ADGRG7: variants seen among roughly 807,000 people sequenced by gnomAD.
The protein encoded by ADGRG7 is adhesion G protein-coupled receptor G7.
ADGRG7 carries 82 observed loss-of-function variants against 88.6 expected under a neutral mutation model. The observed-to-expected ratio is 0.93, with a 90% confidence interval of 0.77 to 1.11. The LOEUF is 1.11. Among genes scored for constraint, ADGRG7 ranks in the 50% most tolerant of loss-of-function variants. ADGRG7 has a pLI of 0.00. For missense variants in ADGRG7, 945 were observed against 953.4 expected (o/e 0.99, Z 0.12); for synonymous variants, 381 against 345.2 (o/e 1.10, Z -1.15).
intron 11 of ADGRG7, among the ~76,000 whole-genome samples, chr3:100,650,112 C>T (rs1339370952): frequency 6.6e-6 from 1 of 152,158 alleles, no homozygotes; most frequent in Non-Finnish European, 1.5e-5. Context: ...AGAACCATGC[C>T]TAGCAATTTG....
chr3:100,620,359 C>T (rs955355629), intron 1 of ADGRG7, among the ~76,000 whole-genome samples: 1 of 152,140 alleles, frequency 6.6e-6, no homozygotes, highest in Non-Finnish European at 1.5e-5. Context: ...AATTCAACAG[C>T]CCTTCATGCT....
chr3:100,678,995 A>G (rs1232108423), intron 15 of ADGRG7, among the ~76,000 whole-genome samples: 4 of 152,158 alleles, frequency 2.6e-5, no homozygotes, highest in Admixed American at 6.5e-5. Flanking sequence ...CAACAGCTCT[A>G]CAATTAGCAG....
chr3:100,655,937 AT>A lies in ADGRG7; in HGVS notation c.1768del (p.Tyr590IlefsTer12). The A allele has an allele frequency of 6.2e-7, 1 of 1,608,764 alleles. No homozygotes were observed. Among genetic ancestry groups the A allele is most frequent in the Non-Finnish European group, 8.5e-7 (1 of 1,175,324 alleles). On this transcript the variant is annotated frameshift_variant, in exon 13 of 16. Coordinates refer to ENST00000273352, the MANE Select transcript of ADGRG7 (RefSeq NM_032787.3). LOFTEE classifies it high-confidence loss of function. ...AIVVAITVGV[I>X]YSQNGNNPQW... ...AGTAGTGGCTATAACAGTGGGAGTT[AT>A]TTATTCTCAGAATGGAAATAATCCA...
At chr3:100,637,133 T>A (rs1707557533) in intron 5 of ADGRG7, among the ~76,000 whole-genome samples, 169 bp from the exon 6 acceptor site, 1 of 152,226 alleles carries the variant, frequency 6.6e-6, no homozygotes, top group Non-Finnish European at 1.5e-5. Context: ...TGATTCTCTC[T>A]GTCATCTTAT....
At chr3:100,645,865 C>G in intron 8 of ADGRG7, 80 bp from the exon 9 acceptor site, 1 of 1,297,250 alleles carries the variant, frequency 7.7e-7, no homozygotes, top group Non-Finnish European at 1.1e-6. Flanking sequence ...CAGCCATGCA[C>G]TTCTACAATA....
intron 13 of ADGRG7, among the ~76,000 whole-genome samples, chr3:100,656,478 T>C (rs1190491955): frequency 1.3e-5 from 2 of 152,230 alleles, no homozygotes; most frequent in Non-Finnish European, 2.9e-5. Flanking sequence ...TTCATGATGA[T>C]TTATCATACA....
chr3:100,659,300 C>T (rs1054696600), intron 13 of ADGRG7, among the ~76,000 whole-genome samples: 8 of 151,228 alleles, frequency 5.3e-5, no homozygotes, highest in Non-Finnish European at 1.0e-4. Context: ...ATCAGCTGGG[C>T]GTGGTGGCGG....
intron 14 of ADGRG7, among the ~76,000 whole-genome samples, chr3:100,661,744 A>G (rs1415557494): frequency 2.0e-5 from 3 of 152,242 alleles, no homozygotes; most frequent in Non-Finnish European, 2.9e-5. Flanking sequence ...TCACAAGATT[A>G]CTGTATATGA....
At chr3:100,669,466 G>A (rs1413967938) in intron 15 of ADGRG7, among the ~76,000 whole-genome samples, 2 of 149,884 alleles carry the variant, frequency 1.3e-5, no homozygotes, top group African/African-American at 2.5e-5. Flanking sequence ...CCCGGGAGGC[G>A]GAGCTTGCAG....
intron 1 of ADGRG7, among the ~76,000 whole-genome samples, chr3:100,621,707 C>T (rs1349001452): frequency 1.3e-5 from 2 of 152,166 alleles, no homozygotes; most frequent in African/African-American, 4.8e-5. Flanking sequence ...GCAAGTTTTT[C>T]AGAATATATA....
chr3:100,661,889 G>A (rs2094946070), intron 14 of ADGRG7, among the ~76,000 whole-genome samples: 1 of 152,128 alleles, frequency 6.6e-6, no homozygotes, highest in African/African-American at 2.4e-5. Flanking sequence ...GTCCAGAAAT[G>A]TTTGAAATAC....
intron 3 of ADGRG7, 128 bp from the exon 4 acceptor site, chr3:100,633,137 C>T (rs1707478950): frequency 4.7e-6 from 2 of 428,164 alleles, no homozygotes; most frequent in East Asian, 7.9e-5. Flanking sequence ...GTGGTATCTG[C>T]CTAAAAATAA....
At chr3:100,637,931 G>T (rs1323707891) in intron 6 of ADGRG7, among the ~76,000 whole-genome samples, 1 of 152,234 alleles carries the variant, frequency 6.6e-6, no homozygotes, top group Non-Finnish European at 1.5e-5. Context: ...TTGCGGGAGG[G>T]AATGTGTAGA....
chr3:100,665,254 G>T (rs2094950299), intron 14 of ADGRG7: 1 of 540,448 alleles, frequency 1.9e-6, no homozygotes, highest in Non-Finnish European at 3.8e-6. Context: ...CCATTATGTT[G>T]ATATTTATAA....
chr3:100,622,326 A>T (rs1378919970), intron 1 of ADGRG7, among the ~76,000 whole-genome samples: 1 of 150,372 alleles, frequency 6.7e-6, no homozygotes, highest in Non-Finnish European at 1.5e-5. Flanking sequence ...TTTGTTGAAA[A>T]GACTATCCTC....
intron 15 of ADGRG7, among the ~76,000 whole-genome samples, chr3:100,685,094 C>G (rs571529273): frequency 6.6e-6 from 1 of 151,712 alleles, no homozygotes; most frequent in Non-Finnish European, 1.5e-5. Context: ...ATTGGAATGT[C>G]CTGTTATTTT....
chr3:100,666,505 T>C (rs1169519501), intron 14 of ADGRG7, among the ~76,000 whole-genome samples: 3 of 152,250 alleles, frequency 2.0e-5, no homozygotes, highest in Non-Finnish European at 4.4e-5. Context: ...GTATTGCTGC[T>C]CGCATGTCCC....
chr3:100,645,400 ATGG>A (rs1707726354), intron 8 of ADGRG7, among the ~76,000 whole-genome samples: 2 of 152,188 alleles, frequency 1.3e-5, no homozygotes, highest in African/African-American at 4.8e-5. Flanking sequence ...AGTTGAAGAG[ATGG>A]TGAAGAGTGC....
intron 1 of ADGRG7, 116 bp from the exon 2 acceptor site, chr3:100,629,482 C>A: frequency 1.6e-6 from 1 of 638,930 alleles, no homozygotes; most frequent in South Asian, 1.9e-5. Context: ...AAGAATATTT[C>A]TCAGCAATGA....
Sources: allele counts gnomAD v4.1 joint callset (sites outside exome capture counted in the v4.1 genomes callset), GRCh38; gene constraint gnomAD v4.1.1; transcripts MANE v1.5; gene names NCBI Gene and HGNC (gene_info 2026-07-23, HGNC 2026-07-21).